Variants in RCSD1 observed in about 807,000 individuals in gnomAD.
RCSD1 encodes the protein capZ-interacting protein.
In RCSD1, 26 loss-of-function variants were observed where a neutral mutation model predicts 42.5. The ratio of observed to expected loss-of-function variants is 0.61; its 90% confidence interval spans 0.45 to 0.85. RCSD1 has a LOEUF of 0.85. RCSD1 is among the 40% of genes least tolerant of loss of function. The pLI is 0.00. For missense variants in RCSD1, 571 were observed against 528.3 expected, an observed-to-expected ratio of 1.08 and a Z score of -0.79; for synonymous variants, 220 against 212.2, an observed-to-expected ratio of 1.04 and a Z score of -0.32.
At chr1:167,676,261 T>C (rs991361199) in intron 1 of RCSD1, among the ~76,000 whole-genome samples, 1 of 152,186 alleles carries the variant, frequency 6.6e-6, no homozygotes, top group South Asian at 2.1e-4. Flanking sequence ...CTTCCCTTCA[T>C]AGAGCAGTGT....
chr1:167,630,483 G>T, intron 1 of RCSD1, 54 bp downstream of exon 1: 1 of 1,490,528 alleles, frequency 6.7e-7, no homozygotes, highest in Non-Finnish European at 9.0e-7. Flanking sequence ...TGTATCGGGC[G>T]CCCCTTCCCC....
intron 1 of RCSD1, among the ~76,000 whole-genome samples, chr1:167,671,607 T>C (rs980293061): frequency 6.6e-6 from 1 of 152,192 alleles, no homozygotes; most frequent in African/African-American, 2.4e-5. Context: ...AGTTGTCAAC[T>C]TGCTCATTTT....
chr1:167,634,998 T>G (rs1343394326), intron 1 of RCSD1, among the ~76,000 whole-genome samples: 1 of 152,140 alleles, frequency 6.6e-6, no homozygotes, highest in Non-Finnish European at 1.5e-5. Context: ...AATGTGTTTG[T>G]TTTGTGACCT....
chr1:167,634,292 G>A (rs1363282121), intron 1 of RCSD1, among the ~76,000 whole-genome samples: 1 of 152,096 alleles, frequency 6.6e-6, no homozygotes, highest in African/African-American at 2.4e-5. Flanking sequence ...TTGAGGGCAG[G>A]GGCCATGTCT....
chr1:167,635,283 G>C (rs1657809418), intron 1 of RCSD1, among the ~76,000 whole-genome samples: 1 of 152,068 alleles, frequency 6.6e-6, no homozygotes, highest in South Asian at 2.1e-4. Flanking sequence ...TGGCTCGGTG[G>C]ACTTGTGGCA....
At chr1:167,634,323 G>A (rs1657776586) in intron 1 of RCSD1, among the ~76,000 whole-genome samples, 1 of 152,114 alleles carries the variant, frequency 6.6e-6, no homozygotes, top group Non-Finnish European at 1.5e-5. Flanking sequence ...GAGCCTAATG[G>A]GCACCAAGAA....
intron 5 of RCSD1, among the ~76,000 whole-genome samples, chr1:167,695,344 C>A (rs1659472616): frequency 6.6e-6 from 1 of 152,172 alleles, no homozygotes; most frequent in African/African-American, 2.4e-5. Context: ...TATTTTGGAA[C>A]CCTGCTGGTC....
chr1:167,647,701 T>G (rs1363084425), intron 1 of RCSD1, among the ~76,000 whole-genome samples: 1 of 152,190 alleles, frequency 6.6e-6, no homozygotes, highest in Non-Finnish European at 1.5e-5. Flanking sequence ...ATCATACCAC[T>G]GCACTCCAGC....
chr1:167,686,751 A>G (rs1389255969), intron 3 of RCSD1, among the ~76,000 whole-genome samples: 1 of 152,216 alleles, frequency 6.6e-6, no homozygotes, highest in African/African-American at 2.4e-5. Flanking sequence ...CTCTCTTTCC[A>G]GAGAATCAAC....
At chr1:167,704,561 A>G (rs772850297) in intron 6 of RCSD1, 103 bp from the exon 7 acceptor site, 123 of 966,706 alleles carry the variant, frequency 1.3e-4, no homozygotes, top group East Asian at 7.7e-4. Flanking sequence ...TATTACTCCT[A>G]CTGTTACTAT....
intron 6 of RCSD1, among the ~76,000 whole-genome samples, chr1:167,699,087 C>T (rs534815046): frequency 3.3e-5 from 5 of 152,254 alleles, no homozygotes; most frequent in South Asian, 2.1e-4. Flanking sequence ...CGTGAGCCAC[C>T]GCGCCCGGCC....
chr1:167,645,269 C>T (rs1658105459), intron 1 of RCSD1, among the ~76,000 whole-genome samples: 1 of 152,192 alleles, frequency 6.6e-6, no homozygotes, highest in South Asian at 2.1e-4. Context: ...AAATTTCATG[C>T]ACTAGCATAG....
At chr1:167,683,753 A>T in intron 1 of RCSD1, 147 bp from the exon 2 acceptor site, 1 of 764,428 alleles carries the variant, frequency 1.3e-6, no homozygotes, top group Non-Finnish European at 2.2e-6. Context: ...CGAATTTTTT[A>T]AGTCCTTGAA....
chr1:167,643,555 CTG>C (rs2102200435), intron 1 of RCSD1, among the ~76,000 whole-genome samples: 1 of 152,324 alleles, frequency 6.6e-6, no homozygotes, highest in South Asian at 2.1e-4. Flanking sequence ...TCAACACATC[CTG>C]TGAGTAGATG....
intron 1 of RCSD1, among the ~76,000 whole-genome samples, chr1:167,644,482 A>AAAAT (rs535625680): frequency 0.06 from 4,784 of 79,568 alleles, 144 homozygotes; most frequent in African/African-American, 0.15. Flanking sequence ...TCTGTCTCAA[A>AAAAT]AAATAAATAC....
At chr1:167,673,813 A>G (rs530326148) in intron 1 of RCSD1, among the ~76,000 whole-genome samples, 2 of 152,142 alleles carry the variant, frequency 1.3e-5, no homozygotes, top group Non-Finnish European at 2.9e-5. Flanking sequence ...CTGTGCCTAC[A>G]ACATGCCTTC....
chr1:167,705,118 G>T lies in RCSD1; in HGVS notation c.*422G>T, dbSNP rs905858941. The T allele has an allele frequency of 6.3e-6, 1 of 159,858 alleles. No individual in the cohort carries two copies. Among genetic ancestry groups the T allele is most frequent in the African/African-American group, 2.4e-5 (1 of 41,576 alleles). The allele number at this position is 159,858 out of a possible 1,614,324, so 9.9% of individuals were successfully genotyped here. A position where few individuals can be genotyped will look rare whatever the true frequency, so the allele number is the denominator to read the frequency against. On this transcript the variant is annotated 3_prime_UTR_variant, in exon 7 of 7. Coordinates refer to ENST00000367854, the MANE Select transcript of RCSD1 (RefSeq NM_052862.4). ...GCTGATCAGATTTTGCTTGGGTAAA[G>T]TTCCTTTTTAATGTTCTAAAGTGTT...
chr1:167,651,649 G>T (rs902393013), intron 1 of RCSD1, among the ~76,000 whole-genome samples: 6 of 152,118 alleles, frequency 3.9e-5, no homozygotes, highest in Non-Finnish European at 7.3e-5. Context: ...CCCTCTACCT[G>T]CAACACCTCC....
chr1:167,704,865 A>T lies in RCSD1; in HGVS notation c.*169A>T, dbSNP rs1659720333. 6.6e-6 allele frequency: 4 copies of T among 609,114 alleles called. No individual in the cohort carries two copies. Among genetic ancestry groups the T allele is most frequent in the Admixed American group, 2.6e-5 (1 of 37,782 alleles). The allele number at this position is 609,114 out of a possible 1,614,324, so 37.7% of individuals were successfully genotyped here. On this transcript the variant is annotated 3_prime_UTR_variant, in exon 7 of 7. Coordinates refer to ENST00000367854, the MANE Select transcript of RCSD1 (RefSeq NM_052862.4). ...GATTATTTCCTGGCCTCCACACCAA[A>T]CGTTCCCTTGCAGATGGAGACTGAA...
Sources: allele counts gnomAD v4.1 joint callset (sites outside exome capture counted in the v4.1 genomes callset), GRCh38; gene constraint gnomAD v4.1.1; transcripts MANE v1.5; gene names NCBI Gene and HGNC (gene_info 2026-07-23, HGNC 2026-07-21).